Variants in NRCAM observed in about 807,000 individuals in gnomAD.
NRCAM encodes the protein NgCAM-related cell adhesion molecule.
A neutral mutation model predicts 156.5 loss-of-function variants in NRCAM; 83 were observed. That is an observed-to-expected ratio of 0.53 (90% CI 0.44 to 0.64). NRCAM has a LOEUF of 0.64. NRCAM is among the 30% of genes least tolerant of loss of function. The pLI is 0.00. For missense variants in NRCAM, 1,417 were observed against 1,597.3 expected (o/e 0.89, Z 1.92); for synonymous variants, 538 against 563.9 (o/e 0.95, Z 0.65).
intron 13 of NRCAM, among the ~76,000 whole-genome samples, chr7:108,206,393 A>C (rs777903435): frequency 6.6e-6 from 1 of 152,230 alleles, no homozygotes; most frequent in Non-Finnish European, 1.5e-5. Flanking sequence ...GTCAAAGCCA[A>C]TCTGTCCTGT....
chr7:108,224,889 T>C (rs990271869), intron 10 of NRCAM, among the ~76,000 whole-genome samples: 5 of 152,144 alleles, frequency 3.3e-5, no homozygotes, highest in Admixed American at 6.6e-5. Context: ...TTGTGGAGTG[T>C]CTATCTTGGT....
In NRCAM at chr7:108,181,888, G is replaced by C. The variant is rs1402709460; in HGVS notation, c.2580C>G (p.Thr860=). 18 of 1,614,140 alleles carry C rather than the reference G, an allele frequency of 1.1e-5. No homozygotes were observed. Among genetic ancestry groups the C allele is most frequent in the Non-Finnish European group, 1.5e-5 (18 of 1,180,008 alleles). ...CTGGGTCCCAGTGCACCTCGGCTAA[G>C]GTACTGTTCACCACATTCACACGCA... ...GNVRVNVVNS[T]LAEVHWDPVP... Residue 860 remains threonine, a synonymous_variant, in exon 24 of 33, where the codon ACC becomes ACG. Coordinates refer to ENST00000379028, the MANE Select transcript of NRCAM (RefSeq NM_001037132.4).
intron 2 of NRCAM, among the ~76,000 whole-genome samples, chr7:108,375,723 A>G (rs2099672476): frequency 6.6e-6 from 1 of 152,216 alleles, no homozygotes; most frequent in African/African-American, 2.4e-5. Context: ...AGTTAACCCC[A>G]TGAATATCAC....
chr7:108,432,345 CAT>C (rs773383628), intron 1 of NRCAM, among the ~76,000 whole-genome samples: 2 of 152,174 alleles, frequency 1.3e-5, no homozygotes, highest in Non-Finnish European at 2.9e-5. Context: ...TATGCCAAAT[CAT>C]ATGTTCTTCT....
chr7:108,192,836 T>A lies in NRCAM; in HGVS notation c.1779-983A>T, dbSNP rs1262496453. Among the ~76,000 whole-genome samples, 5 of 152,206 alleles carry A rather than the reference T, an allele frequency of 3.3e-5. No individual in the cohort carries two copies. In the East Asian group the frequency reaches 9.6e-4, roughly 29 times the overall value. On this transcript the variant is annotated intron_variant, in intron 17 of 32. Coordinates refer to ENST00000379028, the MANE Select transcript of NRCAM (RefSeq NM_001037132.4). ...ATCACTAGAAACAGGAAGATTTAGA[T>A]GAACAATCTCTCTAAGACTTTTCTA...
At chr7:108,434,169 T>C (rs901238406) in intron 1 of NRCAM, among the ~76,000 whole-genome samples, 1 of 152,148 alleles carries the variant, frequency 6.6e-6, no homozygotes, top group African/African-American at 2.4e-5. Flanking sequence ...TGCATCTGCT[T>C]CCATCCCACA....
intron 1 of NRCAM, among the ~76,000 whole-genome samples, chr7:108,440,090 A>G (rs1267018337): frequency 1.3e-5 from 2 of 152,168 alleles, no homozygotes; most frequent in Non-Finnish European, 2.9e-5. Flanking sequence ...ATTATTAATA[A>G]TAGTCTCAAA....
chr7:108,253,336 GT>G (rs757257956), intron 3 of NRCAM, among the ~76,000 whole-genome samples: 10 of 152,164 alleles, frequency 6.6e-5, no homozygotes, highest in Non-Finnish European at 1.5e-4. Context: ...AAAGTAAGAT[GT>G]ATCCAATTGT....
chr7:108,441,628 C>T (rs1018926596), intron 1 of NRCAM, among the ~76,000 whole-genome samples: 1 of 152,152 alleles, frequency 6.6e-6, no homozygotes, highest in African/African-American at 2.4e-5. Context: ...GGTCAAATTC[C>T]TTGGGTTAGA....
chr7:108,402,468 G>A (rs1020492596), intron 1 of NRCAM, among the ~76,000 whole-genome samples: 2 of 152,124 alleles, frequency 1.3e-5, no homozygotes, highest in African/African-American at 4.8e-5. Context: ...GTGAAAAGAT[G>A]GTTTTCATTA....
At chr7:108,292,768 G>T (rs2098339764) in intron 3 of NRCAM, among the ~76,000 whole-genome samples, 2 of 152,134 alleles carry the variant, frequency 1.3e-5, no homozygotes, top group Admixed American at 6.5e-5. Context: ...TGAGTCAGTG[G>T]AAAGTGCTTA....
intron 2 of NRCAM, among the ~76,000 whole-genome samples, chr7:108,330,102 T>C (rs895382240): frequency 1.3e-5 from 2 of 152,230 alleles, no homozygotes; most frequent in South Asian, 2.1e-4. Context: ...CTATGATTTA[T>C]AGTGTTACTC....
chr7:108,237,396 G>T (rs1481748078), intron 5 of NRCAM, among the ~76,000 whole-genome samples: 4 of 152,130 alleles, frequency 2.6e-5, no homozygotes, highest in Admixed American at 2.6e-4. Flanking sequence ...GACACAAAAA[G>T]ACCTATCTTT....
At position 108,234,697 on chromosome 7, in the gene NRCAM, T is replaced by C. The variant is rs1208337895; in HGVS notation, c.125-9A>G. 5 of 1,541,898 alleles carry C rather than the reference T, an allele frequency of 3.2e-6. No homozygotes were observed. Among genetic ancestry groups the C allele is most frequent in the Admixed American group, 1.7e-5 (1 of 58,786 alleles). On this transcript the variant is annotated splice_polypyrimidine_tract_variant and intron_variant, in intron 5 of 32. Transcript: ENST00000379028. ...GGTTGGAGGCTGTACCACTTAATTGTAGAAAAAAAAAAATGTAAAAAAACA... is the reference window on the plus strand; with the variant it reads ...GGTTGGAGGCTGTACCACTTAATTGCAGAAAAAAAAAAATGTAAAAAAACA...
At chr7:108,441,551 C>A (rs185341631) in intron 1 of NRCAM, among the ~76,000 whole-genome samples, 1 of 152,286 alleles carries the variant, frequency 6.6e-6, no homozygotes, top group East Asian at 1.9e-4. Context: ...GCTAAAAGTC[C>A]ATTTCCTTGT....
intron 3 of NRCAM, among the ~76,000 whole-genome samples, chr7:108,287,611 T>G (rs187422514): frequency 6.6e-6 from 1 of 151,468 alleles, no homozygotes; most frequent in Non-Finnish European, 1.5e-5. Context: ...AAAATGAATA[T>G]GAAAACCATT....
intron 3 of NRCAM, among the ~76,000 whole-genome samples, chr7:108,265,709 G>T (rs1420552121): frequency 6.6e-6 from 1 of 152,206 alleles, no homozygotes; most frequent in Non-Finnish European, 1.5e-5. Flanking sequence ...TCTGAGATAG[G>T]TATTATTAAC....
intron 21 of NRCAM, 25 bp downstream of exon 21, chr7:108,184,392 T>A (rs2065441814): frequency 1.2e-6 from 2 of 1,613,918 alleles, no homozygotes; most frequent in African/African-American, 2.7e-5. Context: ...TTTCGTACCC[T>A]AGAAGTCCCG....
At chr7:108,170,312 C>A (rs141621510) in intron 28 of NRCAM, among the ~76,000 whole-genome samples, 1 of 152,220 alleles carries the variant, frequency 6.6e-6, no homozygotes, top group African/African-American at 2.4e-5. Context: ...GCAAATATTG[C>A]GTGATCTCAC....
Sources: gnomAD v4.1 joint callset for allele counts (sites outside exome capture counted in the v4.1 genomes callset) on GRCh38, gnomAD v4.1.1 for gene constraint, MANE v1.5 for transcripts, NCBI Gene and HGNC (gene_info 2026-07-23, HGNC 2026-07-21) for gene names.